The following BCAS3 variants were observed in gnomAD, a reference collection of about 807,000 sequenced individuals.
BCAS3 encodes BCAS4/BCAS3 fusion.
Under a neutral mutation model 116.1 loss-of-function variants are expected in BCAS3, and 53 were observed. The observed-to-expected ratio is 0.46, with a 90% CI of 0.37 to 0.57. The LOEUF (loss-of-function observed/expected upper bound fraction) is 0.57, where lower values mean the gene tolerates loss of function less well. Ranked by LOEUF, BCAS3 falls within the 20% of genes least tolerant of loss-of-function variation. The probability of loss-of-function intolerance (pLI) is 0.00; values close to 1 mark genes in which losing one functional copy is unlikely to be tolerated. For synonymous variants in BCAS3, 391 were observed against 408.2 expected (o/e 0.96, Z 0.51); for missense variants, 917 against 1,165.4 (o/e 0.79, Z 3.10).
At chr17:61,303,927 T>C (rs1485630534) in intron 22 of BCAS3, among the ~76,000 whole-genome samples, 1 of 152,124 alleles carries the variant, frequency 6.6e-6, no homozygotes. Flanking sequence ...GGCATATTGT[T>C]CCTAGTCTAA....
intron 14 of BCAS3, among the ~76,000 whole-genome samples, chr17:60,963,850 C>T (rs757663331): frequency 5.3e-5 from 8 of 152,170 alleles, no homozygotes; most frequent in East Asian, 1.9e-4. Flanking sequence ...CCACCACACC[C>T]GGCCAAATGC....
At position 61,193,191 on chromosome 17, in the gene BCAS3, G is replaced by A. The variant is rs775163410; in HGVS notation, c.2425+108627G>A. On this transcript the variant is annotated intron_variant, in intron 22 of 23. Coordinates refer to ENST00000407086, the MANE Select transcript of BCAS3 (RefSeq NM_017679.5). ...GCAAGAGAATCACTTGAACCCAGAA[G>A]GTAGAGGTTGCAGTGAGCCGAGATC... Among the ~76,000 whole-genome samples the A allele has an allele frequency of 4.1e-4, 63 of 152,246 alleles. 1 individual carries two copies. Among genetic ancestry groups the A allele is most frequent in the Non-Finnish European group, 7.1e-4 (48 of 68,028 alleles).
At chr17:61,338,163 C>T (rs1396421271) in intron 22 of BCAS3, among the ~76,000 whole-genome samples, 1 of 152,158 alleles carries the variant, frequency 6.6e-6, no homozygotes, top group Admixed American at 6.5e-5. Context: ...CTGTGTCATC[C>T]CTGTGGCCAG....
At chr17:60,681,771 C>A (rs2033159932) in intron 2 of BCAS3, among the ~76,000 whole-genome samples, 1 of 151,778 alleles carries the variant, frequency 6.6e-6, no homozygotes, top group Non-Finnish European at 1.5e-5. Flanking sequence ...CTCTTTTTGC[C>A]CAGGCTGGAG....
intron 6 of BCAS3, among the ~76,000 whole-genome samples, chr17:60,792,170 A>G (rs1008574922): frequency 6.6e-6 from 1 of 152,144 alleles, no homozygotes; most frequent in Admixed American, 6.5e-5. Context: ...GCAATGTTGG[A>G]AATGTTGGGA....
At chr17:60,757,394 ATGTGTGTGTG>A (rs61645091) in intron 6 of BCAS3, among the ~76,000 whole-genome samples, 26 of 136,674 alleles carry the variant, frequency 1.9e-4, no homozygotes, top group African/African-American at 3.8e-4. Context: ...CAGCATGTAT[ATGTGTGTGTG>A]TGTGTGTGTG....
intron 12 of BCAS3, among the ~76,000 whole-genome samples, chr17:60,917,939 C>G (rs754250800): frequency 1.3e-5 from 2 of 152,168 alleles, no homozygotes; most frequent in Non-Finnish European, 2.9e-5. Flanking sequence ...TTGGTGTACA[C>G]ATTTCTAATT....
rs757996436 is a variant in BCAS3 at position 61,088,314 on chromosome 17, C to T, written c.2425+3750C>T. Among the ~76,000 whole-genome samples the T allele has an allele frequency of 3.8e-4, 58 of 152,174 alleles. No homozygotes were observed. The highest frequency in any genetic ancestry group is 8.8e-5 in the Non-Finnish European group (6 of 68,032). Reference sequence around the variant, plus strand: ...AATGGACACATTATAGGATTTTAACCTAAGACACAGGCTACCCAGAACAAA... The same window carrying T: ...AATGGACACATTATAGGATTTTAACTTAAGACACAGGCTACCCAGAACAAA... On this transcript the variant is annotated intron_variant, in intron 22 of 23. Transcript: ENST00000407086. This position sits in a 1 kb window ranked among gnomAD's most constrained non-coding sequence, Gnocchi z 4.2.
At position 61,313,743 on chromosome 17, in the gene BCAS3, G is replaced by T. The variant is rs1263125994; in HGVS notation, c.2426-54584G>T. Among the ~76,000 whole-genome samples the T allele has an allele frequency of 6.6e-6, 1 of 152,188 alleles. No homozygotes were observed. On this transcript the variant is annotated intron_variant, in intron 22 of 23. Transcript: ENST00000407086. The surrounding 1 kb of genome is among the most constrained non-coding windows in gnomAD (Gnocchi z 4.3). ...ACGATTAAACAAGAAGCAGCCTTTGGCTACAAAGCTAATGGTTTGGGTTCC... is the reference window on the plus strand; with the variant it reads ...ACGATTAAACAAGAAGCAGCCTTTGTCTACAAAGCTAATGGTTTGGGTTCC...
In BCAS3 at chr17:61,392,697, G is replaced by C. The variant is rs965287767; in HGVS notation, c.*572G>C. 6.5e-6 allele frequency: 1 copy of C among 153,796 alleles called. No individual in the cohort carries two copies. Among genetic ancestry groups the C allele is most frequent in the African/African-American group, 2.4e-5 (1 of 41,550 alleles). The allele number at this position is 153,796 out of a possible 1,614,324, so 9.5% of individuals were successfully genotyped here. A position where few individuals can be genotyped will look rare whatever the true frequency, so the allele number is the denominator to read the frequency against. On this transcript the variant is annotated 3_prime_UTR_variant, in exon 24 of 24. Coordinates refer to ENST00000407086, the MANE Select transcript of BCAS3 (RefSeq NM_017679.5). This position sits in a 1 kb window ranked among gnomAD's most constrained non-coding sequence, Gnocchi z 6.4. ...TCCTTTCTTTCCCCATCTGTTCATG[G>C]GAAGAGTTTGTCTTTCTTATCTTTA... is the stretch of plus-strand genomic sequence containing the variant.
chr17:60,961,204 TATATC>T lies in BCAS3; in HGVS notation c.1221+13856_1221+13860del, dbSNP rs2061396313. Reference sequence around the variant, plus strand: ...GGTCAGGGAGAAATTTTGAAAAACTTATATCATAAATTTTGTCATTTAGCTATGAT... The same window carrying T: ...GGTCAGGGAGAAATTTTGAAAAACTTATAAATTTTGTCATTTAGCTATGAT... On this transcript the variant is annotated intron_variant, in intron 14 of 23. Coordinates refer to ENST00000407086, the MANE Select transcript of BCAS3 (RefSeq NM_017679.5). This position sits in a 1 kb window ranked among gnomAD's most constrained non-coding sequence, Gnocchi z 4.8. 6.6e-6 allele frequency among the ~76,000 whole-genome samples: 1 copy of T among 152,204 alleles called. No homozygotes were observed. Among genetic ancestry groups the T allele is most frequent in the Non-Finnish European group, 1.5e-5 (1 of 68,032 alleles).
Position 61,285,258 on chromosome 17 carries a change from T to TGTGTGTGTGTGTG in BCAS3, c.2426-83069_2426-83068insGTGTGTGTGTGTG, listed in dbSNP as rs766590925. ...GTGTGTGTGTGTGTGTGTGTGTGTG[T>TGTGTGTGTGTGTG]TTCTTGCTAAAATGCAGCAAAGGAA... On this transcript the variant is annotated intron_variant, in intron 22 of 23. Transcript: ENST00000407086. This position sits in a 1 kb window ranked among gnomAD's most constrained non-coding sequence, Gnocchi z 5.4. 1.3e-5 allele frequency among the ~76,000 whole-genome samples: 2 copies of TGTGTGTGTGTGTG among 151,936 alleles called. No individual in the cohort carries two copies. The highest frequency in any genetic ancestry group is 6.6e-5 in the Admixed American group (1 of 15,258).
In BCAS3 at chr17:60,859,236, G is replaced by A. The variant is rs1168317798; in HGVS notation, c.477-9340G>A. Among the ~76,000 whole-genome samples the A allele has an allele frequency of 2.0e-5, 3 of 152,026 alleles. No homozygotes were observed. The East Asian group carries it at 5.8e-4, about 29-fold the overall frequency. ...GTTCTGGGGGTACGTGTTCAGGTTT[G>A]TTACATCAGTAAATTGTATGTCACT... On this transcript the variant is annotated intron_variant, in intron 7 of 23. Coordinates refer to ENST00000407086, the MANE Select transcript of BCAS3 (RefSeq NM_017679.5).
intron 22 of BCAS3, among the ~76,000 whole-genome samples, chr17:61,223,579 C>G (rs1319970622): frequency 6.6e-6 from 1 of 152,206 alleles, no homozygotes; most frequent in Non-Finnish European, 1.5e-5. Context: ...CCCTTGGGTA[C>G]TGTCTCCATG....
intron 4 of BCAS3, among the ~76,000 whole-genome samples, chr17:60,705,039 C>T (rs1290081848): frequency 2.6e-5 from 4 of 152,024 alleles, no homozygotes; most frequent in African/African-American, 9.7e-5. Context: ...GGATTGTCAA[C>T]TCTGTGAAAG....
chr17:60,975,401 T>C (rs971630559), intron 14 of BCAS3, among the ~76,000 whole-genome samples: 1 of 152,222 alleles, frequency 6.6e-6, no homozygotes, highest in Non-Finnish European at 1.5e-5. Context: ...TATCTTCCTT[T>C]GTGCATAGGA....
At position 61,038,155 on chromosome 17, in the gene BCAS3, A is replaced by G. The variant is rs928293115; in HGVS notation, c.1928+101A>G. On this transcript the variant is annotated intron_variant, in intron 18 of 23. Coordinates refer to ENST00000407086, the MANE Select transcript of BCAS3 (RefSeq NM_017679.5). ...GTTTTGACATGCATACAGCTACGAAATCATCACCACAATTAACATGGTAAA... is the reference window on the plus strand; with the variant it reads ...GTTTTGACATGCATACAGCTACGAAGTCATCACCACAATTAACATGGTAAA... The G allele has an allele frequency of 3.9e-6, 4 of 1,018,164 alleles. No homozygotes were observed. In the Admixed American group the frequency reaches 1.1e-4, roughly 29 times the overall value. The allele number at this position is 1,018,164 out of a possible 1,614,324, so 63.1% of individuals were successfully genotyped here.
Position 61,388,766 on chromosome 17 carries a change from T to A in BCAS3, c.2594-3211T>A. ...CGTAGGGCTGGGCGGCCGGGATGAC[T>A]TGGAGGGGGGAATCTGAGCAGCCCT... On this transcript the variant is annotated intron_variant, in intron 23 of 23. Coordinates refer to ENST00000407086, the MANE Select transcript of BCAS3 (RefSeq NM_017679.5). This position sits in a 1 kb window ranked among gnomAD's most constrained non-coding sequence, Gnocchi z 6.5. 1 of 1,471,862 alleles carries A rather than the reference T, an allele frequency of 6.8e-7. No individual in the cohort carries two copies. The highest frequency in any genetic ancestry group is 9.2e-7 in the Non-Finnish European group (1 of 1,092,514). 91.2% of individuals were successfully genotyped at this position (1,471,862 alleles called of 1,614,324 possible).
At chr17:60,927,730 A>G (rs560554368) in intron 13 of BCAS3, among the ~76,000 whole-genome samples, 1 of 152,254 alleles carries the variant, frequency 6.6e-6, no homozygotes, top group Non-Finnish European at 1.5e-5. Flanking sequence ...CTATATGGAG[A>G]TGCTAATTAG....
Sources: allele counts gnomAD v4.1 joint callset (sites outside exome capture counted in the v4.1 genomes callset), GRCh38; gene constraint gnomAD v4.1.1; non-coding constraint Gnocchi (gnomAD v3.1); transcripts MANE v1.5; gene names NCBI Gene and HGNC (gene_info 2026-07-23, HGNC 2026-07-21).